ZNF469: variants seen among roughly 807,000 people sequenced by gnomAD.
ZNF469 encodes the protein zinc finger protein 469.
Under a neutral mutation model 1.0 loss-of-function variants are expected in ZNF469, and 1 was observed. The observed-to-expected ratio is 1.00, with a 90% CI of 0.35 to 4.73. The LOEUF is 4.73. Among genes scored for constraint, ZNF469 ranks in the 30% most tolerant of loss-of-function variants. The pLI is 0.16. For missense variants in ZNF469, 6,100 were observed against 5,356.3 expected (o/e 1.14, Z -4.33); for synonymous variants, 2,703 against 2,363.4 (o/e 1.14, Z -4.17).
chr16:88,348,873 G>A, the ZNF469 span, among the ~76,000 whole-genome samples: 92 of 152,270 alleles, frequency 6.0e-4, no homozygotes, highest in African/African-American at 1.9e-3. Context: ...TCGGCATCAC[G>A]CGTGGGCATG....
At chr16:88,169,579 G>A in the ZNF469 span, among the ~76,000 whole-genome samples, 30 of 152,314 alleles carry the variant, frequency 2.0e-4, no homozygotes, top group Admixed American at 1.3e-3. This position sits in a 1 kb window ranked among gnomAD's most constrained non-coding sequence, Gnocchi z 6.1. Flanking sequence ...GGGCTTAGAG[G>A]CACCAGCTGC....
chr16:88,140,295 T>C, the ZNF469 span, among the ~76,000 whole-genome samples: 13 of 136,104 alleles, frequency 9.6e-5, no homozygotes. Context: ...GGAATAAATA[T>C]TTGGAAAGGA....
the ZNF469 span, among the ~76,000 whole-genome samples, chr16:88,352,707 G>A: frequency 6.6e-5 from 10 of 152,234 alleles, no homozygotes; most frequent in African/African-American, 2.2e-4. Flanking sequence ...GGGACGTGGC[G>A]TGGAAGATTT....
chr16:88,335,700 TGAAA>T, the ZNF469 span, among the ~76,000 whole-genome samples: 5 of 152,338 alleles, frequency 3.3e-5, no homozygotes, highest in East Asian at 9.6e-4. Flanking sequence ...ATCGAATCAA[TGAAA>T]GAAAGAAACT....
the ZNF469 span, among the ~76,000 whole-genome samples, chr16:88,349,438 G>T: frequency 7.4e-6 from 1 of 134,692 alleles, no homozygotes; most frequent in Non-Finnish European, 1.6e-5. Context: ...CACACACCAG[G>T]CACAATACAC....
chr16:88,334,893 C>T, the ZNF469 span, among the ~76,000 whole-genome samples: 5 of 149,770 alleles, frequency 3.3e-5, no homozygotes, highest in East Asian at 3.9e-4. Context: ...GCCGACGGAA[C>T]GACACATGTG....
the ZNF469 span, among the ~76,000 whole-genome samples, chr16:88,247,014 A>G: frequency 6.6e-6 from 1 of 151,248 alleles, no homozygotes; most frequent in Non-Finnish European, 1.5e-5. Flanking sequence ...TGAGTGAATC[A>G]ATGAGTGAGT....
the ZNF469 span, among the ~76,000 whole-genome samples, chr16:88,195,584 G>C: frequency 2.6e-5 from 4 of 152,192 alleles, no homozygotes; most frequent in African/African-American, 9.7e-5. Context: ...GTGTCTTGGG[G>C]TGAGAGTCTC....
chr16:88,360,271 C>T, the ZNF469 span, among the ~76,000 whole-genome samples: 3 of 152,210 alleles, frequency 2.0e-5, no homozygotes, highest in Non-Finnish European at 4.4e-5. Flanking sequence ...CCACCCACCT[C>T]GGCCTCCCAT....
At chr16:88,108,318 G>A in the ZNF469 span, among the ~76,000 whole-genome samples, 2 of 152,288 alleles carry the variant, frequency 1.3e-5, no homozygotes, top group African/African-American at 4.8e-5. Flanking sequence ...CCGTCACACT[G>A]TGGCCCTGGC....
Position 88,429,823 on chromosome 16 carries a change from G to A in ZNF469, c.2353G>A (p.Asp785Asn), listed in dbSNP as rs903345687. ...SPPAAPRVPA[D>N]AHAGLLSHAK... ...CCCCGCTGCCCCCAGAGTCCCTGCC[G>A]ACGCACACGCGGGCTTGCTCAGCCA... Residue 785 changes from aspartate (D) to asparagine (N), a missense_variant, in exon 3 of 3, where the codon GAC (aspartate) becomes AAC (asparagine). Physicochemically the swap from Asp to Asn is conservative, Grantham distance 23. Transcript: ENST00000565624. 7.1e-6 allele frequency: 11 copies of A among 1,546,292 alleles called. No individual in the cohort carries two copies. Among genetic ancestry groups the A allele is most frequent in the East Asian group, 2.5e-5 (1 of 40,764 alleles).
At chr16:88,419,182 C>T (rs1905385089) in intron 1 of ZNF469, among the ~76,000 whole-genome samples, 3 of 152,166 alleles carry the variant, frequency 2.0e-5, no homozygotes, top group African/African-American at 7.2e-5. Flanking sequence ...CCACACCCAT[C>T]GGGGAGAGGC....
chr16:88,358,132 G>A, the ZNF469 span, among the ~76,000 whole-genome samples: 1 of 152,330 alleles, frequency 6.6e-6, no homozygotes, highest in South Asian at 2.1e-4. Context: ...ACCTCCCCCA[G>A]GCCCCCAGCC....
At chr16:88,220,568 A>C in the ZNF469 span, among the ~76,000 whole-genome samples, 7 of 152,320 alleles carry the variant, frequency 4.6e-5, no homozygotes, top group African/African-American at 1.7e-4. Context: ...CCCCTGGAGC[A>C]AACTGATTCT....
chr16:88,134,161 G>C, the ZNF469 span, among the ~76,000 whole-genome samples: 1 of 152,206 alleles, frequency 6.6e-6, no homozygotes, highest in African/African-American at 2.4e-5. Context: ...TAGGTTTAGA[G>C]TATCATCTTT....
chr16:88,417,345 C>G (rs1439650303), intron 1 of ZNF469, among the ~76,000 whole-genome samples: 1 of 152,190 alleles, frequency 6.6e-6, no homozygotes, highest in Admixed American at 6.5e-5. Context: ...CAGGGCTGCT[C>G]GACCGGCCAA....
the ZNF469 span, among the ~76,000 whole-genome samples, chr16:88,193,278 G>A: frequency 1.4e-5 from 2 of 142,736 alleles, no homozygotes; most frequent in South Asian, 2.3e-4. Flanking sequence ...TGGTGATGGT[G>A]GTGGTGGAGA....
chr16:88,291,295 C>T, the ZNF469 span, among the ~76,000 whole-genome samples: 1 of 152,340 alleles, frequency 6.6e-6, no homozygotes, highest in South Asian at 2.1e-4. Flanking sequence ...AGGGGCTCGG[C>T]TGCTGCACAT....
At chr16:88,402,858 C>T (rs1166459956) in intron 1 of ZNF469, among the ~76,000 whole-genome samples, 2 of 152,138 alleles carry the variant, frequency 1.3e-5, no homozygotes, top group East Asian at 1.9e-4. Context: ...GCTGGGGCAG[C>T]GGTTGGCCCA....
Sources: allele counts gnomAD v4.1 joint callset (sites outside exome capture counted in the v4.1 genomes callset), GRCh38; gene constraint gnomAD v4.1.1; non-coding constraint Gnocchi (gnomAD v3.1); transcripts MANE v1.5; gene names NCBI Gene and HGNC (gene_info 2026-07-23, HGNC 2026-07-21).